The following PPP1R12A variants were observed in gnomAD, a reference collection of about 807,000 sequenced individuals.
PPP1R12A encodes the protein myosin binding subunit.
Under a neutral mutation model 139.6 loss-of-function variants are expected in PPP1R12A, and 19 were observed. That is an observed-to-expected ratio of 0.14 (90% CI 0.09 to 0.20). The LOEUF (loss-of-function observed/expected upper bound fraction) is 0.20, where lower values mean the gene tolerates loss of function less well. PPP1R12A is among the 10% of genes least tolerant of loss of function. PPP1R12A has a pLI of 1.00. For synonymous variants in PPP1R12A, 427 were observed against 420.6 expected (o/e 1.02, Z -0.19); for missense variants, 925 against 1,211.5 (o/e 0.76, Z 3.51).
intron 1 of PPP1R12A, among the ~76,000 whole-genome samples, chr12:79,881,275 C>A (rs915523397): frequency 6.6e-6 from 1 of 152,128 alleles, no homozygotes; most frequent in Non-Finnish European, 1.5e-5. Context: ...AAAAGCTAGG[C>A]CTCTTGTGCC....
intron 1 of PPP1R12A, among the ~76,000 whole-genome samples, chr12:79,893,329 T>C (rs189972991): frequency 7.3e-4 from 111 of 152,280 alleles, no homozygotes; most frequent in African/African-American, 2.5e-3. Context: ...GGTGATATTA[T>C]AACATACCTG....
rs1869512635 is a variant in PPP1R12A, at chr12:79,774,239, T to C, written c.*1690A>G. 1 of 152,288 alleles carries C rather than the reference T, an allele frequency of 6.6e-6. No homozygotes were observed. 9.4% of individuals were successfully genotyped at this position (152,288 alleles called of 1,614,324 possible). A position where few individuals can be genotyped will look rare whatever the true frequency, so the allele number is the denominator to read the frequency against. ...ACTCCCACAACTATCCTTGTACCTT[T>C]AAAATCAAGAATCCTGAGCTTGGTA... On this transcript the variant is annotated 3_prime_UTR_variant, in exon 25 of 25. Transcript: ENST00000450142.
chr12:79,780,889 A>T (rs913580161), intron 23 of PPP1R12A: 1 of 152,322 alleles, frequency 6.6e-6, no homozygotes, highest in Admixed American at 6.5e-5. Context: ...GACAGACATT[A>T]TAACACTATT....
intron 1 of PPP1R12A, among the ~76,000 whole-genome samples, chr12:79,915,740 T>C (rs1886940042): frequency 6.6e-6 from 1 of 152,142 alleles, no homozygotes; most frequent in Non-Finnish European, 1.5e-5. Flanking sequence ...TTACACAGGA[T>C]AGGGTCAAGA....
rs151298689 is a variant in PPP1R12A, at chr12:79,824,015, A to C, written c.793-1825T>G. 2.6e-5 allele frequency: 4 copies of C among 152,356 alleles called. No homozygotes were observed. In the East Asian group the frequency reaches 7.7e-4, roughly 29 times the overall value. 9.4% of individuals were successfully genotyped at this position (152,356 alleles called of 1,614,324 possible). ...TTTCTTGCTAGAAAGTCTTACCAGT[A>C]GGAATTTAAGAGACAATCTATCCTT... On this transcript the variant is annotated intron_variant, in intron 5 of 24. Coordinates refer to ENST00000450142, the MANE Select transcript of PPP1R12A (RefSeq NM_002480.3).
intron 1 of PPP1R12A, among the ~76,000 whole-genome samples, chr12:79,877,551 T>C (rs1417109666): frequency 6.6e-6 from 1 of 152,246 alleles, no homozygotes; most frequent in Non-Finnish European, 1.5e-5. Context: ...AGTCTTGCTC[T>C]GTCGCCCACA....
intron 2 of PPP1R12A, among the ~76,000 whole-genome samples, chr12:79,864,619 A>G (rs556961808): frequency 6.6e-6 from 1 of 152,300 alleles, no homozygotes; most frequent in African/African-American, 2.4e-5. Context: ...AATAGACACA[A>G]TAAAAAATGA....
intron 2 of PPP1R12A, among the ~76,000 whole-genome samples, chr12:79,849,198 A>G (rs4240716): frequency 0.79 from 119,374 of 151,938 alleles, 49,409 homozygotes; most frequent in Non-Finnish European, 0.92. Flanking sequence ...AGCCTGGCCA[A>G]CATAGCAAAA....
At chr12:79,859,180 A>C (rs1881018995) in intron 2 of PPP1R12A, among the ~76,000 whole-genome samples, 1 of 151,522 alleles carries the variant, frequency 6.6e-6, no homozygotes, top group South Asian at 2.1e-4. Context: ...CTAAAAATAC[A>C]AAAAAAATCA....
chr12:79,796,714 T>C, intron 17 of PPP1R12A, 68 bp downstream of exon 17: 2 of 1,294,074 alleles, frequency 1.5e-6, no homozygotes, highest in Non-Finnish European at 1.1e-6. Context: ...TGAATTATTA[T>C]TTAGGAAACC....
chr12:79,835,170 T>C (rs1877918591), intron 3 of PPP1R12A, among the ~76,000 whole-genome samples: 1 of 152,118 alleles, frequency 6.6e-6, no homozygotes, highest in Non-Finnish European at 1.5e-5. Flanking sequence ...TGCTTTTGGA[T>C]ATCAGACTAC....
chr12:79,806,266 T>A lies in PPP1R12A; in HGVS notation c.1723A>T (p.Thr575Ser). Residue 575 changes from threonine to serine, a missense_variant, in exon 13 of 25, where the codon ACA (threonine) becomes TCA (serine). Coordinates refer to ENST00000450142, the MANE Select transcript of PPP1R12A (RefSeq NM_002480.3). ...TGAAGCCCAGCTGCAGAGGTAACTG[T>A]TGGTGTTGATGTGGTGCTTGGAACA... is the stretch of plus-strand genomic sequence containing the variant. ...SSVPSTTSTP[T>S]VTSAAGLQKS... 6.2e-7 allele frequency: 1 copy of A among 1,613,956 alleles called. No homozygotes were observed. The highest frequency in any genetic ancestry group is 8.5e-7 in the Non-Finnish European group (1 of 1,179,816).
At chr12:79,781,598 T>C (rs1870456037) in intron 23 of PPP1R12A, among the ~76,000 whole-genome samples, 1 of 152,080 alleles carries the variant, frequency 6.6e-6, no homozygotes, top group South Asian at 2.1e-4. Flanking sequence ...TTAAAAGAAT[T>C]ATGTGGTAAA....
At chr12:79,874,866 T>C (rs944973263) in intron 1 of PPP1R12A, among the ~76,000 whole-genome samples, 1 of 152,184 alleles carries the variant, frequency 6.6e-6, no homozygotes, top group Admixed American at 6.5e-5. Flanking sequence ...ATAGGGACCT[T>C]ACTATTCCTT....
intron 1 of PPP1R12A, among the ~76,000 whole-genome samples, chr12:79,905,343 C>CCA (rs1241058539): frequency 9.5e-6 from 1 of 105,036 alleles, no homozygotes; most frequent in Non-Finnish European, 1.9e-5. Context: ...TTTGCCGCCC[C>CCA]CCCCCACCCC....
At chr12:79,785,062 T>G (rs918447807) in intron 22 of PPP1R12A, among the ~76,000 whole-genome samples, 4 of 152,226 alleles carry the variant, frequency 2.6e-5, no homozygotes, top group Non-Finnish European at 5.9e-5. Flanking sequence ...TGAAGGATGA[T>G]GACAAGTTCA....
At position 79,828,376 on chromosome 12, in the gene PPP1R12A, C is replaced by T; in HGVS notation, c.736G>A (p.Glu246Lys). 6.2e-7 allele frequency: 1 copy of T among 1,612,562 alleles called. No individual in the cohort carries two copies. Among genetic ancestry groups the T allele is most frequent in the Non-Finnish European group, 8.5e-7 (1 of 1,178,990 alleles). Residue 246 changes from glutamate to lysine, a missense_variant, in exon 5 of 25, where the codon GAA (glutamate) becomes AAA (lysine). Transcript: ENST00000450142. ...TTGTCCACTAAAATTCGACATGCTTCTTCTTTACCCCAATGAGCTGCAGCA... is the reference window on the plus strand; with the variant it reads ...TTGTCCACTAAAATTCGACATGCTTTTTCTTTACCCCAATGAGCTGCAGCA... ...LHAAAHWGKE[E>K]ACRILVDNLC...
At chr12:79,846,171 CAG>C (rs1344953932) in intron 2 of PPP1R12A, among the ~76,000 whole-genome samples, 25 of 152,274 alleles carry the variant, frequency 1.6e-4, no homozygotes, top group Admixed American at 3.3e-4. Flanking sequence ...AAGAAGCAGA[CAG>C]ATAATTATAC....
intron 1 of PPP1R12A, among the ~76,000 whole-genome samples, chr12:79,891,658 C>A (rs1331470011): frequency 6.6e-6 from 1 of 152,168 alleles, no homozygotes; most frequent in East Asian, 1.9e-4. Flanking sequence ...TTGTTTCTTA[C>A]AAACTTAATG....
Sources: allele counts gnomAD v4.1 joint callset (sites outside exome capture counted in the v4.1 genomes callset), GRCh38; gene constraint gnomAD v4.1.1; transcripts MANE v1.5; gene names NCBI Gene and HGNC (gene_info 2026-07-23, HGNC 2026-07-21).